TSPAN13: variants seen among roughly 807,000 people sequenced by gnomAD.
The protein encoded by TSPAN13 is tetraspanin-13.
TSPAN13 carries 18 observed loss-of-function variants against 26.9 expected under a neutral mutation model. That is an observed-to-expected ratio of 0.67 (90% CI 0.46 to 0.99). The LOEUF (loss-of-function observed/expected upper bound fraction) is 0.99, where lower values mean the gene tolerates loss of function less well. Among genes scored for constraint, TSPAN13 ranks in the 50% least tolerant of loss-of-function variants. The pLI is 0.00. For missense variants in TSPAN13, 201 were observed against 249.6 expected (o/e 0.81, Z 1.31); for synonymous variants, 116 against 98.4 (o/e 1.18, Z -1.06).
intron 1 of TSPAN13, among the ~76,000 whole-genome samples, chr7:16,759,912 C>A (rs573463769): frequency 6.6e-6 from 1 of 152,064 alleles, no homozygotes; most frequent in Admixed American, 6.5e-5. Context: ...GCCTTGAATA[C>A]CTGGCCTCAA....
intron 1 of TSPAN13, among the ~76,000 whole-genome samples, chr7:16,774,321 C>T (rs754665958): frequency 6.6e-6 from 1 of 152,150 alleles, no homozygotes; most frequent in Non-Finnish European, 1.5e-5. Context: ...TCTCTGGAAA[C>T]AGAAGTACAG....
At chr7:16,762,755 A>T (rs537150878) in intron 1 of TSPAN13, among the ~76,000 whole-genome samples, 1 of 152,244 alleles carries the variant, frequency 6.6e-6, no homozygotes, top group South Asian at 2.1e-4. Flanking sequence ...TTCCTGCCCA[A>T]CTATCCTTGG....
chr7:16,781,156 G>A (rs554766205), intron 5 of TSPAN13, among the ~76,000 whole-genome samples: 5 of 152,232 alleles, frequency 3.3e-5, no homozygotes, highest in South Asian at 4.1e-4. Flanking sequence ...ATTAATATAT[G>A]TTCTTTGTAG....
intron 1 of TSPAN13, among the ~76,000 whole-genome samples, chr7:16,767,903 T>G (rs576599318): frequency 6.6e-6 from 1 of 152,224 alleles, no homozygotes; most frequent in South Asian, 2.1e-4. Context: ...TCATTTTTAT[T>G]TTTTATTTAT....
chr7:16,765,595 T>G (rs1398018993), intron 1 of TSPAN13, among the ~76,000 whole-genome samples: 1 of 152,248 alleles, frequency 6.6e-6, no homozygotes, highest in Non-Finnish European at 1.5e-5. Context: ...CCTTTTCCAT[T>G]ACAGCTCCTT....
chr7:16,759,560 G>A (rs1348133192), intron 1 of TSPAN13, among the ~76,000 whole-genome samples: 1 of 152,128 alleles, frequency 6.6e-6, no homozygotes, highest in Non-Finnish European at 1.5e-5. Context: ...ATTTGGAGGA[G>A]GCAAATATCC....
intron 1 of TSPAN13, among the ~76,000 whole-genome samples, chr7:16,774,382 C>G (rs974731313): frequency 1.3e-5 from 2 of 152,176 alleles, no homozygotes; most frequent in Non-Finnish European, 2.9e-5. Flanking sequence ...CGTTTGGTAC[C>G]ATGATGCAGC....
intron 1 of TSPAN13, among the ~76,000 whole-genome samples, chr7:16,764,315 C>T: frequency 6.6e-6 from 1 of 152,126 alleles, no homozygotes. Context: ...GTGTGAGCCA[C>T]CGCGCCTGGC....
chr7:16,781,046 A>G (rs1439689793), intron 5 of TSPAN13, among the ~76,000 whole-genome samples: 1 of 152,222 alleles, frequency 6.6e-6, no homozygotes, highest in Non-Finnish European at 1.5e-5. Flanking sequence ...ACTTCTTCTC[A>G]TAGGTGAAAT....
intron 1 of TSPAN13, among the ~76,000 whole-genome samples, chr7:16,763,202 C>G (rs1385821331): frequency 6.6e-6 from 1 of 152,180 alleles, no homozygotes; most frequent in African/African-American, 2.4e-5. Context: ...TTAGGGACGT[C>G]TTTTCAGCTA....
intron 3 of TSPAN13, among the ~76,000 whole-genome samples, chr7:16,777,404 T>C (rs1784763200): frequency 6.6e-6 from 1 of 152,210 alleles, no homozygotes; most frequent in Non-Finnish European, 1.5e-5. Context: ...CCCACTATTA[T>C]GCAATGAAAC....
At chr7:16,778,949 G>A in intron 4 of TSPAN13, 54 bp from the exon 5 acceptor site, 8 of 1,377,366 alleles carry the variant, frequency 5.8e-6, no homozygotes, top group Non-Finnish European at 7.0e-6. Flanking sequence ...AGTTTTTATG[G>A]GCTTTTTATA....
chr7:16,766,430 T>C (rs1318684850), intron 1 of TSPAN13, among the ~76,000 whole-genome samples: 2 of 152,358 alleles, frequency 1.3e-5, no homozygotes. Flanking sequence ...TATGTGCATC[T>C]AGGAGTTGGG....
intron 1 of TSPAN13, among the ~76,000 whole-genome samples, chr7:16,755,156 A>AACCC (rs1173579027): frequency 6.6e-6 from 1 of 152,126 alleles, no homozygotes; most frequent in East Asian, 2.0e-4. Context: ...CCTGAAAACA[A>AACCC]ACCCAGCACC....
At chr7:16,776,121 G>A (rs1229525576) in intron 1 of TSPAN13, 90 bp from the exon 2 acceptor site, 5 of 1,314,602 alleles carry the variant, frequency 3.8e-6, no homozygotes, top group African/African-American at 1.5e-5. Context: ...GGTGCCTGAA[G>A]GATATTGTTG....
chr7:16,782,778 A>G (rs1244829265), intron 5 of TSPAN13, among the ~76,000 whole-genome samples: 4 of 152,246 alleles, frequency 2.6e-5, no homozygotes, highest in South Asian at 2.1e-4. Context: ...TATTTTAGCT[A>G]TTTAGACTAC....
intron 1 of TSPAN13, among the ~76,000 whole-genome samples, chr7:16,772,755 G>T (rs1046367439): frequency 6.6e-6 from 1 of 152,096 alleles, no homozygotes; most frequent in African/African-American, 2.4e-5. Flanking sequence ...CAGCAATTTG[G>T]GAGGCCGAGG....
At chr7:16,756,875 G>C (rs964823313) in intron 1 of TSPAN13, among the ~76,000 whole-genome samples, 3 of 152,128 alleles carry the variant, frequency 2.0e-5, no homozygotes, top group Non-Finnish European at 4.4e-5. Flanking sequence ...TCTGTTCTCA[G>C]TTTGGAAATA....
chr7:16,758,848 T>C (rs1232459554), intron 1 of TSPAN13, among the ~76,000 whole-genome samples: 1 of 152,138 alleles, frequency 6.6e-6, no homozygotes, highest in Non-Finnish European at 1.5e-5. Flanking sequence ...AAAATTGTAT[T>C]ATAATTGTAA....
Sources: allele counts gnomAD v4.1 joint callset (sites outside exome capture counted in the v4.1 genomes callset), GRCh38; gene constraint gnomAD v4.1.1; transcripts MANE v1.5; gene names NCBI Gene and HGNC (gene_info 2026-07-23, HGNC 2026-07-21).